TMEM132D: variants seen among roughly 807,000 people sequenced by gnomAD.
TMEM132D encodes the protein mature OL transmembrane protein.
In TMEM132D, 21 loss-of-function variants were observed where a neutral mutation model predicts 62.3. That is an observed-to-expected ratio of 0.34 (90% CI 0.24 to 0.49). The LOEUF (loss-of-function observed/expected upper bound fraction) is 0.49. TMEM132D is among the 20% of genes least tolerant of loss of function. The probability of loss-of-function intolerance (pLI) is 0.99; values close to 1 mark genes in which losing one functional copy is unlikely to be tolerated. For missense variants in TMEM132D, 1,346 were observed against 1,402.8 expected, an observed-to-expected ratio of 0.96 and a Z score of 0.65; for synonymous variants, 621 against 575.6, an observed-to-expected ratio of 1.08 and a Z score of -1.13.
chr12:129,558,135 T>C (rs909019628), intron 2 of TMEM132D, among the ~76,000 whole-genome samples: 6 of 152,148 alleles, frequency 3.9e-5, no homozygotes, highest in Non-Finnish European at 7.4e-5. Context: ...TTGATGTTTA[T>C]AGGGACAGGC....
intron 5 of TMEM132D, among the ~76,000 whole-genome samples, chr12:129,179,627 T>C (rs1878009590): frequency 6.6e-6 from 1 of 152,242 alleles, no homozygotes; most frequent in South Asian, 2.1e-4. Flanking sequence ...CACGGACTTT[T>C]CTACTTTTCA....
chr12:129,193,001 A>G (rs1281958725), intron 5 of TMEM132D, among the ~76,000 whole-genome samples: 1 of 152,132 alleles, frequency 6.6e-6, no homozygotes, highest in Non-Finnish European at 1.5e-5. Flanking sequence ...TACTAAAAAT[A>G]CAAAAAATTA....
chr12:129,620,791 G>C (rs184801826), intron 2 of TMEM132D, among the ~76,000 whole-genome samples: 398 of 152,010 alleles, frequency 2.6e-3, no homozygotes, highest in African/African-American at 8.9e-3. Context: ...TGGACACATG[G>C]GGGAGAAAAA....
chr12:129,308,418 C>A (rs80062512), intron 4 of TMEM132D, among the ~76,000 whole-genome samples: 1,940 of 152,260 alleles, frequency 0.013, 45 homozygotes, highest in African/African-American at 0.044. Context: ...ATCTAATTTG[C>A]ATTTATGGTA....
At chr12:129,210,264 G>C (rs183085236) in intron 4 of TMEM132D, 5 of 152,778 alleles carry the variant, frequency 3.3e-5, no homozygotes, top group Admixed American at 3.3e-4. Context: ...CCACCAGTGC[G>C]AGGTATGTGA....
chr12:129,724,740 C>T (rs1215348306), intron 1 of TMEM132D, among the ~76,000 whole-genome samples: 1 of 152,098 alleles, frequency 6.6e-6, no homozygotes, highest in Non-Finnish European at 1.5e-5. Context: ...CCAGGCTGCT[C>T]TCGAACTCCT....
intron 3 of TMEM132D, among the ~76,000 whole-genome samples, chr12:129,378,354 C>T (rs764176676): frequency 6.6e-6 from 1 of 152,198 alleles, no homozygotes; most frequent in Non-Finnish European, 1.5e-5. Context: ...TTCAGCTAGG[C>T]AGCTCTCTGG....
intron 4 of TMEM132D, among the ~76,000 whole-genome samples, chr12:129,223,098 A>G (rs966268238): frequency 5.9e-5 from 9 of 152,064 alleles, no homozygotes; most frequent in Non-Finnish European, 1.3e-4. Context: ...TGAATAGTTT[A>G]AGAACATGTC....
chr12:129,802,630 C>T (rs1392193477), intron 1 of TMEM132D, among the ~76,000 whole-genome samples: 1 of 131,812 alleles, frequency 7.6e-6, no homozygotes, highest in Non-Finnish European at 1.6e-5. Flanking sequence ...ACTGCATCAA[C>T]TAACGAGCAA....
At chr12:129,442,270 G>A (rs1394632176) in intron 3 of TMEM132D, among the ~76,000 whole-genome samples, 1 of 152,242 alleles carries the variant, frequency 6.6e-6, no homozygotes, top group Non-Finnish European at 1.5e-5. Context: ...GAGCAGAGAA[G>A]GGAAGGTGTG....
rs1252446965 is a variant in TMEM132D at position 129,782,193 on chromosome 12, C to T, written c.80-81495G>A. Among the ~76,000 whole-genome samples, 8 of 152,252 alleles carry T rather than the reference C, an allele frequency of 5.3e-5. No homozygotes were observed. In the South Asian group the frequency reaches 6.2e-4, roughly 12 times the overall value. On this transcript the variant is annotated intron_variant, in intron 1 of 8. Transcript: ENST00000422113. ...ACTTACTGGTTCAGCATCCCTAATCCGAAAAATCCAAAATCTGAAAGCCTC... is the reference window on the plus strand; with the variant it reads ...ACTTACTGGTTCAGCATCCCTAATCTGAAAAATCCAAAATCTGAAAGCCTC...
rs1053338750 is a variant in TMEM132D, at chr12:129,411,916, C to T, written c.1116-74099G>A. On this transcript the variant is annotated intron_variant, in intron 3 of 8. Coordinates refer to ENST00000422113, the MANE Select transcript of TMEM132D (RefSeq NM_133448.3). ...TTCTTTCCTATATTGCATATGGTAC[C>T]TTGGCCGGGTAAGATGTGAATAGGG... 3.3e-5 allele frequency among the ~76,000 whole-genome samples: 5 copies of T among 152,084 alleles called. No individual in the cohort carries two copies. The East Asian group carries it at 9.6e-4, about 29-fold the overall frequency.
chr12:129,265,000 A>C (rs992831668), intron 4 of TMEM132D, among the ~76,000 whole-genome samples: 1 of 152,196 alleles, frequency 6.6e-6, no homozygotes. Context: ...CCAAAATCTC[A>C]CAAATCACCA....
chr12:129,499,896 G>C (rs1297608554), intron 3 of TMEM132D, among the ~76,000 whole-genome samples: 1 of 152,020 alleles, frequency 6.6e-6, no homozygotes, highest in Non-Finnish European at 1.5e-5. Context: ...CAATTCACCT[G>C]ACCTCATCTG....
At chr12:129,709,084 T>C (rs945533001) in intron 1 of TMEM132D, among the ~76,000 whole-genome samples, 5 of 152,188 alleles carry the variant, frequency 3.3e-5, no homozygotes, top group Non-Finnish European at 7.3e-5. Flanking sequence ...TATTTTTTCC[T>C]TAAAAATTGA....
intron 1 of TMEM132D, among the ~76,000 whole-genome samples, chr12:129,808,529 T>C (rs1872069093): frequency 2.0e-5 from 3 of 152,206 alleles, no homozygotes; most frequent in African/African-American, 7.2e-5. Context: ...GGATAAAGTG[T>C]ACAAGGAAGA....
chr12:129,710,573 A>G (rs923985101), intron 1 of TMEM132D, among the ~76,000 whole-genome samples: 18 of 152,212 alleles, frequency 1.2e-4, no homozygotes, highest in African/African-American at 4.3e-4. Context: ...CTGGGATTAC[A>G]GGCATGAGCA....
At chr12:129,245,622 A>AT (rs1378375145) in intron 4 of TMEM132D, among the ~76,000 whole-genome samples, 1 of 152,054 alleles carries the variant, frequency 6.6e-6, no homozygotes, top group African/African-American at 2.4e-5. Flanking sequence ...TGAGACATTA[A>AT]TAACTTCCAT....
intron 7 of TMEM132D, among the ~76,000 whole-genome samples, chr12:129,079,674 A>T (rs2398451): frequency 0.25 from 37,276 of 152,050 alleles, 4,676 homozygotes; most frequent in East Asian, 0.39. Flanking sequence ...CAGTTTTCCC[A>T]GGACCCTTTG....
Sources: gnomAD v4.1 joint callset for allele counts (sites outside exome capture counted in the v4.1 genomes callset) on GRCh38, gnomAD v4.1.1 for gene constraint, MANE v1.5 for transcripts, NCBI Gene and HGNC (gene_info 2026-07-23, HGNC 2026-07-21) for gene names.